The following BACE1 variants were observed in gnomAD, a reference collection of about 807,000 sequenced individuals.
BACE1 encodes the protein beta-secretase 1.
In BACE1, 21 loss-of-function variants were observed where a neutral mutation model predicts 54.0. That is an observed-to-expected ratio of 0.39 (90% CI 0.28 to 0.56). The LOEUF (loss-of-function observed/expected upper bound fraction) is 0.56, where lower values mean the gene tolerates loss of function less well. Ranked by LOEUF, BACE1 falls within the 20% of genes least tolerant of loss-of-function variation. The pLI is 0.63. For synonymous variants in BACE1, 232 were observed against 260.9 expected (o/e 0.89, Z 1.07); for missense variants, 511 against 661.2 (o/e 0.77, Z 2.49).
At chr11:117,298,905 A>G in intron 1 of BACE1, among the ~76,000 whole-genome samples, 1 of 152,194 alleles carries the variant, frequency 6.6e-6, no homozygotes, top group Non-Finnish European at 1.5e-5. Flanking sequence ...TCCTGGGTTC[A>G]AGTGATTCTC....
Position 117,315,120 on chromosome 11 carries a change from A to T in BACE1, c.261+415T>A, listed in dbSNP as rs2035062644. Among the ~76,000 whole-genome samples the T allele has an allele frequency of 6.6e-6, 1 of 152,070 alleles. No individual in the cohort carries two copies. Among genetic ancestry groups the T allele is most frequent in the Non-Finnish European group, 1.5e-5 (1 of 68,010 alleles). ...TGGAGGTACTGGGAACAATGGTGGG[A>T]ATCAGAGGAGGGGACAAGGTTGGGT... On this transcript the variant is annotated intron_variant, in intron 1 of 8. Coordinates refer to ENST00000313005, the MANE Select transcript of BACE1 (RefSeq NM_012104.6). The surrounding 1 kb of genome is among the most constrained non-coding windows in gnomAD (Gnocchi z 5.5).
intron 1 of BACE1, among the ~76,000 whole-genome samples, chr11:117,303,691 C>G (rs1018017760): frequency 3.9e-5 from 6 of 152,178 alleles, no homozygotes; most frequent in African/African-American, 1.4e-4. Context: ...TGGTACTACC[C>G]CAAGGTCATA....
Position 117,290,518 on chromosome 11 carries a change from G to A in BACE1, c.1234C>T (p.Arg412Ter). ...FYVVFDRARK[R>*]IGFAVSACHV... Reference sequence around the variant, plus strand: ...CAAGCGCTGACAGCAAAGCCAATTCGTTTTCGGGCCCGATCAAAGACAACG... The same window carrying A: ...CAAGCGCTGACAGCAAAGCCAATTCATTTTCGGGCCCGATCAAAGACAACG... Residue 412 changes from arginine (R) to a stop codon, truncating the protein, a stop_gained, in exon 8 of 9, where the codon CGA becomes TGA. Coordinates refer to ENST00000313005, the MANE Select transcript of BACE1 (RefSeq NM_012104.6). LOFTEE classifies it high-confidence loss of function. 6.2e-7 allele frequency: 1 copy of A among 1,614,180 alleles called. No individual in the cohort carries two copies. The highest frequency in any genetic ancestry group is 2.2e-5 in the East Asian group (1 of 44,882).
At chr11:117,298,601 G>A (rs938210105) in intron 1 of BACE1, among the ~76,000 whole-genome samples, 4 of 152,214 alleles carry the variant, frequency 2.6e-5, no homozygotes, top group Admixed American at 1.3e-4. Context: ...GTGTCCATGC[G>A]TGTGGTTCTG....
At chr11:117,307,670 AG>A (rs1183534254) in intron 1 of BACE1, among the ~76,000 whole-genome samples, 1 of 152,150 alleles carries the variant, frequency 6.6e-6, no homozygotes, top group Non-Finnish European at 1.5e-5. Context: ...AGGCCCAAGA[AG>A]GGTTCCTGAC....
Position 117,315,987 on chromosome 11 carries a change from AGAGCACGG to A in BACE1, c.-200_-193del, listed in dbSNP as rs1289768786. 1 of 485,464 alleles carries A rather than the reference AGAGCACGG, an allele frequency of 2.1e-6. No individual in the cohort carries two copies. The highest frequency in any genetic ancestry group is 3.4e-6 in the Non-Finnish European group (1 of 297,550). 30.1% of individuals were successfully genotyped at this position (485,464 alleles called of 1,614,324 possible). A position where few individuals can be genotyped will look rare whatever the true frequency, so the allele number is the denominator to read the frequency against. ...TGGAGAGCGGTCAGGGGAGATCCGC[AGAGCACGG>A]GAGCAGGGGAGAGGCTGGGATCCGG... On this transcript the variant is annotated 5_prime_UTR_variant, in exon 1 of 9. Transcript: ENST00000313005. This position sits in a 1 kb window ranked among gnomAD's most constrained non-coding sequence, Gnocchi z 5.5.
At chr11:117,299,543 A>G in intron 1 of BACE1, 1 of 287,926 alleles carries the variant, frequency 3.5e-6, no homozygotes, top group Middle Eastern at 8.3e-4. Flanking sequence ...ATCCCCAAAG[A>G]CTCCTCTGAC....
chr11:117,310,654 C>T (rs894186587), intron 1 of BACE1, among the ~76,000 whole-genome samples: 17 of 152,108 alleles, frequency 1.1e-4, no homozygotes, highest in Non-Finnish European at 2.5e-4. Flanking sequence ...CTCCTGGCCT[C>T]AGATGATCCT....
In BACE1 at chr11:117,293,780, C is replaced by T. The variant is rs2034521729; in HGVS notation, c.705+91G>A. On this transcript the variant is annotated intron_variant, in intron 4 of 8. Coordinates refer to ENST00000313005, the MANE Select transcript of BACE1 (RefSeq NM_012104.6). This position sits in a 1 kb window ranked among gnomAD's most constrained non-coding sequence, Gnocchi z 4.1. Reference sequence around the variant, plus strand: ...TCCTCCTGATTCTAAGTATCGGAGCCAAAACTGTGGTGTAGCTTTCAGGAA... The same window carrying T: ...TCCTCCTGATTCTAAGTATCGGAGCTAAAACTGTGGTGTAGCTTTCAGGAA... 6.3e-5 allele frequency: 88 copies of T among 1,392,192 alleles called. No homozygotes were observed. The highest frequency in any genetic ancestry group is 8.2e-5 in the Non-Finnish European group (86 of 1,043,926). 86.2% of individuals were successfully genotyped at this position (1,392,192 alleles called of 1,614,324 possible). A position where few individuals can be genotyped will look rare whatever the true frequency, so the allele number is the denominator to read the frequency against.
chr11:117,305,903 G>GCAGGCGCCTGTAGTCCCAGCTA (rs1162083729), intron 1 of BACE1, among the ~76,000 whole-genome samples: 1 of 152,050 alleles, frequency 6.6e-6, no homozygotes, highest in African/African-American at 2.4e-5. Context: ...GGGCGTGATG[G>GCAGGCGCCTGTAGTCCCAGCTA]CAGGCGCCTG....
Position 117,295,274 on chromosome 11 carries a change from C to G in BACE1, c.424G>C (p.Gly142Arg). ...TGGGGGATGCTTACCAGGTCGGTGC[C>G]CAGCTCCCCTTCCCACTTGCCCTGG... ...YTQGKWEGELGTDLVSIPHGP... is the reference protein window; with the variant it reads ...YTQGKWEGELRTDLVSIPHGP... The change falls in exon 3 of 9, where the codon GGC becomes CGC. Residue 142 changes from glycine to arginine, a missense_variant. This residue lies in a region of BACE1 where 407 missense variants were observed against 565.7 expected (regional missense o/e 0.72). Transcript: ENST00000313005. The G allele has an allele frequency of 1.2e-6, 2 of 1,614,196 alleles. No individual in the cohort carries two copies. The highest frequency in any genetic ancestry group is 2.2e-5 in the South Asian group (2 of 91,076).
At chr11:117,304,964 CTTT>C (rs59652945) in intron 1 of BACE1, among the ~76,000 whole-genome samples, 2 of 125,480 alleles carry the variant, frequency 1.6e-5, no homozygotes, top group African/African-American at 3.0e-5. Context: ...TCTTCCTATT[CTTT>C]TTTTTTTTTT....
rs2034445488 is a variant in BACE1, at chr11:117,291,768, G to A, written c.886C>T (p.Arg296Cys). Residue 296 changes from arginine to cysteine, a missense_variant, in exon 6 of 9, where the codon CGT (arginine) becomes TGT (cysteine). By Grantham distance (180) the Arg-to-Cys change is radical. Coordinates refer to ENST00000313005, the MANE Select transcript of BACE1 (RefSeq NM_012104.6). ...GCTTCAAACACTTTCTTGGGCAAAC[G>A]AAGGTTGGTGGTGCCACTGTCCACA... is the stretch of plus-strand genomic sequence containing the variant. The part of the protein sequence containing the change: ...SIVDSGTTNL[R>C]LPKKVFEAAV... 2.5e-6 allele frequency: 4 copies of A among 1,613,364 alleles called. No individual in the cohort carries two copies. Among genetic ancestry groups the A allele is most frequent in the Non-Finnish European group, 3.4e-6 (4 of 1,179,568 alleles).
At chr11:117,314,005 C>T (rs558431628) in intron 1 of BACE1, among the ~76,000 whole-genome samples, 3 of 152,296 alleles carry the variant, frequency 2.0e-5, no homozygotes. Context: ...CCCAAGGCCA[C>T]ACAGCTGAGA....
chr11:117,292,790 C>T, intron 5 of BACE1: 1 of 341,972 alleles, frequency 2.9e-6, no homozygotes, highest in South Asian at 4.3e-5. Flanking sequence ...AAAGACTTGC[C>T]CAAGGCTACG....
chr11:117,289,136 G>C lies in BACE1; in HGVS notation c.*430C>G, dbSNP rs566395502. On this transcript the variant is annotated 3_prime_UTR_variant, in exon 9 of 9. Transcript: ENST00000313005. ...TCTCCTACTGACTTTGGCCAGCAGG[G>C]AAACAAGCTTGGTCTCTTCTCTGCC... 5.4e-6 allele frequency: 1 copy of C among 184,158 alleles called. No individual in the cohort carries two copies. Among genetic ancestry groups the C allele is most frequent in the East Asian group, 1.2e-4 (1 of 8,008 alleles). 11.4% of individuals were successfully genotyped at this position (184,158 alleles called of 1,614,324 possible). A position where few individuals can be genotyped will look rare whatever the true frequency, so the allele number is the denominator to read the frequency against.
chr11:117,309,868 A>G (rs1031345140), intron 1 of BACE1, among the ~76,000 whole-genome samples: 3 of 152,226 alleles, frequency 2.0e-5, no homozygotes, highest in African/African-American at 7.2e-5. Context: ...ATGTTTGGTC[A>G]GTGATGCTCA....
intron 1 of BACE1, among the ~76,000 whole-genome samples, chr11:117,312,226 C>A (rs2034959738): frequency 6.6e-6 from 1 of 152,208 alleles, no homozygotes; most frequent in Admixed American, 6.5e-5. Flanking sequence ...TGTGGACTCT[C>A]CCAATTTTAA....
chr11:117,306,288 C>T (rs1252926510), intron 1 of BACE1, among the ~76,000 whole-genome samples: 1 of 152,158 alleles, frequency 6.6e-6, no homozygotes, highest in Non-Finnish European at 1.5e-5. Context: ...CTATTCGCCA[C>T]CTGTTTTTCA....
Sources: allele counts gnomAD v4.1 joint callset (sites outside exome capture counted in the v4.1 genomes callset), GRCh38; gene constraint gnomAD v4.1.1; regional missense constraint gnomAD v4.1.1; non-coding constraint Gnocchi (gnomAD v3.1); transcripts MANE v1.5; gene names NCBI Gene and HGNC (gene_info 2026-07-23, HGNC 2026-07-21).